Variants in SEMA5A observed in about 807,000 individuals in gnomAD.
SEMA5A encodes semaphorin-5A.
Under a neutral mutation model 135.5 loss-of-function variants are expected in SEMA5A, and 55 were observed. That is an observed-to-expected ratio of 0.41 (90% confidence interval 0.33 to 0.51). The LOEUF is 0.51. SEMA5A is among the 20% of genes least tolerant of loss of function. The pLI is 0.37. For missense variants in SEMA5A, 1,290 were observed against 1,419.9 expected, an observed-to-expected ratio of 0.91 and a Z score of 1.47; for synonymous variants, 580 against 546.5, an observed-to-expected ratio of 1.06 and a Z score of -0.85.
At chr5:9,402,905 G>C (rs1330551390) in intron 2 of SEMA5A, among the ~76,000 whole-genome samples, 1 of 152,084 alleles carries the variant, frequency 6.6e-6, no homozygotes, top group Admixed American at 6.6e-5. Flanking sequence ...TTCTGGACTT[G>C]GTCTTATGAC....
At chr5:9,165,062 G>C (rs187024943) in intron 11 of SEMA5A, among the ~76,000 whole-genome samples, 3 of 152,100 alleles carry the variant, frequency 2.0e-5, no homozygotes, top group Admixed American at 6.6e-5. Context: ...CAGTATTTAC[G>C]TGAAAGTCCC....
chr5:9,442,547 C>A (rs1758277184), intron 1 of SEMA5A, among the ~76,000 whole-genome samples: 1 of 152,132 alleles, frequency 6.6e-6, no homozygotes, highest in Non-Finnish European at 1.5e-5. Context: ...TAGAGTTCTT[C>A]ATGTAAATCA....
intron 5 of SEMA5A, among the ~76,000 whole-genome samples, chr5:9,303,105 C>T (rs1240205141): frequency 6.7e-6 from 1 of 149,880 alleles, no homozygotes; most frequent in Non-Finnish European, 1.5e-5. Context: ...CATACACACA[C>T]ATATATATAT....
chr5:9,176,944 T>G (rs1308118176), intron 11 of SEMA5A, among the ~76,000 whole-genome samples: 1 of 152,224 alleles, frequency 6.6e-6, no homozygotes, highest in Non-Finnish European at 1.5e-5. Context: ...TATACCCCAT[T>G]GCTTAAAATA....
intron 11 of SEMA5A, among the ~76,000 whole-genome samples, chr5:9,162,388 G>GTGTA (rs2150284118): frequency 7.3e-6 from 1 of 137,556 alleles, no homozygotes; most frequent in Admixed American, 7.2e-5. Context: ...AAACATGTGT[G>GTGTA]TGTGTGTGTG....
At chr5:9,133,148 C>T (rs991423195) in intron 13 of SEMA5A, among the ~76,000 whole-genome samples, 9 of 152,074 alleles carry the variant, frequency 5.9e-5, no homozygotes, top group African/African-American at 1.2e-4. Context: ...AAAATTAAGC[C>T]CTTGTTCCAT....
At chr5:9,343,431 CCT>C (rs148510335) in intron 3 of SEMA5A, among the ~76,000 whole-genome samples, 1,553 of 152,186 alleles carry the variant, frequency 0.01, 27 homozygotes, top group African/African-American at 0.036. Flanking sequence ...GTCTTCACCT[CCT>C]CAAGATGGGA....
chr5:9,390,927 C>T (rs1158685099), intron 2 of SEMA5A: 1 of 152,160 alleles, frequency 6.6e-6, no homozygotes, highest in Non-Finnish European at 1.5e-5. Context: ...ATTCCTTTGC[C>T]ATTTTGCAGA....
intron 16 of SEMA5A, among the ~76,000 whole-genome samples, chr5:9,076,893 TGTG>T (rs1738094934): frequency 6.8e-6 from 1 of 147,880 alleles, no homozygotes; most frequent in African/African-American, 2.4e-5. Flanking sequence ...TGTGTGTGTG[TGTG>T]TGTGTGTGTG....
intron 3 of SEMA5A, among the ~76,000 whole-genome samples, chr5:9,372,099 G>A (rs1755160357): frequency 6.6e-6 from 1 of 152,124 alleles, no homozygotes; most frequent in South Asian, 2.1e-4. Context: ...GATGAACAGA[G>A]AGAAATACTG....
intron 5 of SEMA5A, among the ~76,000 whole-genome samples, chr5:9,305,437 C>T (rs1751812041): frequency 6.6e-6 from 1 of 151,930 alleles, no homozygotes; most frequent in Admixed American, 6.6e-5. Flanking sequence ...TTGGTTCACT[C>T]TGTGTTTTTC....
intron 16 of SEMA5A, among the ~76,000 whole-genome samples, chr5:9,075,567 A>AG (rs397730357): frequency 2.6e-5 from 4 of 151,564 alleles, no homozygotes; most frequent in Non-Finnish European, 4.4e-5. Context: ...AAAAAAAAAA[A>AG]GGTGTGACAC....
chr5:9,230,758 G>A (rs962399275), intron 6 of SEMA5A, among the ~76,000 whole-genome samples: 2 of 152,114 alleles, frequency 1.3e-5, no homozygotes, highest in African/African-American at 2.4e-5. Flanking sequence ...GCTAATGAAG[G>A]AGGGTAGTAG....
At chr5:9,258,227 C>T (rs1487595743) in intron 5 of SEMA5A, among the ~76,000 whole-genome samples, 1 of 152,210 alleles carries the variant, frequency 6.6e-6, no homozygotes, top group Non-Finnish European at 1.5e-5. Context: ...ATGCTAGCTT[C>T]AGTCCTAACT....
intron 1 of SEMA5A, among the ~76,000 whole-genome samples, chr5:9,533,125 C>T (rs999224196): frequency 5.3e-5 from 8 of 152,230 alleles, no homozygotes; most frequent in African/African-American, 1.9e-4. Context: ...ATGTTGAACA[C>T]GCCAATTCGT....
At chr5:9,209,719 G>A (rs1805964) in intron 8 of SEMA5A, among the ~76,000 whole-genome samples, 2 of 151,968 alleles carry the variant, frequency 1.3e-5, no homozygotes, top group African/African-American at 4.8e-5. Context: ...CCAAGACACA[G>A]GGAGCCGACT....
At chr5:9,344,420 T>C (rs1464564386) in intron 3 of SEMA5A, among the ~76,000 whole-genome samples, 1 of 152,194 alleles carries the variant, frequency 6.6e-6, no homozygotes, top group African/African-American at 2.4e-5. Flanking sequence ...TAGTAACATA[T>C]ACGCATGGAT....
At chr5:9,455,843 AC>A (rs1269472468) in intron 1 of SEMA5A, among the ~76,000 whole-genome samples, 1 of 152,202 alleles carries the variant, frequency 6.6e-6, no homozygotes, top group Admixed American at 6.5e-5. Flanking sequence ...AAGGCTTACG[AC>A]CCACTAAAAT....
In SEMA5A at chr5:9,430,303, T is replaced by A. The variant is rs111933872; in HGVS notation, c.-78+7453A>T. On this transcript the variant is annotated intron_variant, in intron 2 of 22. Coordinates refer to ENST00000382496, the MANE Select transcript of SEMA5A (RefSeq NM_003966.3). ...TTTGGACATGGTTAATTTGAAGACA[T>A]AAATTAGACATCCAGTTGTGAGGTT... is the stretch of plus-strand genomic sequence containing the variant. Among the ~76,000 whole-genome samples, 660 of 152,222 alleles carry A rather than the reference T, an allele frequency of 4.3e-3. 5 individuals are homozygous for A. The highest frequency in any genetic ancestry group is 0.015 in the African/African-American group (636 of 41,528).
Sources: gnomAD v4.1 joint callset for allele counts (sites outside exome capture counted in the v4.1 genomes callset) on GRCh38, gnomAD v4.1.1 for gene constraint, MANE v1.5 for transcripts, NCBI Gene and HGNC (gene_info 2026-07-23, HGNC 2026-07-21) for gene names.